The following LARGE1 variants were observed in gnomAD, a reference collection of about 807,000 sequenced individuals.
LARGE1 encodes LARGE xylosyl- and glucuronyltransferase 1, also known as xylosyl- and glucuronyltransferase LARGE1.
In LARGE1, 43 loss-of-function variants were observed where a neutral mutation model predicts 87.6. The ratio of observed to expected loss-of-function variants is 0.49; its 90% CI spans 0.38 to 0.63. LARGE1 has a LOEUF of 0.63. Ranked by LOEUF, LARGE1 falls within the 30% of genes least tolerant of loss-of-function variation. The pLI is 0.00. For missense variants in LARGE1, 802 were observed against 1,000.2 expected (o/e 0.80, Z 2.67); for synonymous variants, 434 against 394.6 (o/e 1.10, Z -1.18).
At chr22:33,518,290 C>A (rs1180968097) in intron 6 of LARGE1, among the ~76,000 whole-genome samples, 1 of 152,178 alleles carries the variant, frequency 6.6e-6, no homozygotes, top group Non-Finnish European at 1.5e-5. Context: ...AATCAACAGC[C>A]CAAGGTCACA....
intron 1 of LARGE1, among the ~76,000 whole-genome samples, chr22:33,863,215 T>C (rs558457036): frequency 6.6e-6 from 1 of 152,228 alleles, no homozygotes; most frequent in Admixed American, 6.5e-5. Context: ...AAGCCTCACT[T>C]CCCTCATTTC....
At chr22:33,904,636 G>A (rs371387339) in intron 1 of LARGE1, among the ~76,000 whole-genome samples, 2 of 152,158 alleles carry the variant, frequency 1.3e-5, no homozygotes, top group African/African-American at 2.4e-5. Flanking sequence ...GACGCTGTTC[G>A]AGGACTTAGA....
intron 2 of LARGE1, among the ~76,000 whole-genome samples, chr22:33,656,599 T>G (rs2080967408): frequency 6.6e-6 from 1 of 152,162 alleles, no homozygotes; most frequent in Non-Finnish European, 1.5e-5. Context: ...TGCGTGTAAG[T>G]GCCTTTACCT....
chr22:33,530,483 C>A (rs1307747469), intron 6 of LARGE1, among the ~76,000 whole-genome samples: 1 of 144,030 alleles, frequency 6.9e-6, no homozygotes, highest in African/African-American at 2.6e-5. Context: ...TTTTTTTAGC[C>A]ATCAGATAAG....
chr22:33,578,392 TTATC>T (rs1187710085), intron 5 of LARGE1, among the ~76,000 whole-genome samples: 1 of 152,190 alleles, frequency 6.6e-6, no homozygotes, highest in African/African-American at 2.4e-5. Flanking sequence ...AGTGAGTCAT[TTATC>T]TAAACACTCA....
intron 6 of LARGE1, chr22:33,563,112 G>A (rs1451344993): frequency 6.6e-6 from 1 of 152,398 alleles, no homozygotes; most frequent in East Asian, 1.9e-4. Context: ...CCACAGGCAT[G>A]GCCACTCACT....
intron 11 of LARGE1, among the ~76,000 whole-genome samples, chr22:33,193,783 A>G (rs1234491906): frequency 6.6e-6 from 1 of 151,762 alleles, no homozygotes; most frequent in Non-Finnish European, 1.5e-5. Flanking sequence ...TTGCCATTGC[A>G]CTCCAGCCTG....
At chr22:33,621,406 A>G (rs528242152) in intron 4 of LARGE1, among the ~76,000 whole-genome samples, 25 of 151,368 alleles carry the variant, frequency 1.7e-4, no homozygotes, top group African/African-American at 5.8e-4. Flanking sequence ...CTCTTTTACT[A>G]TCTTTTGAAA....
At chr22:33,786,786 C>A (rs2058740786) in intron 1 of LARGE1, among the ~76,000 whole-genome samples, 1 of 152,150 alleles carries the variant, frequency 6.6e-6, no homozygotes, top group Non-Finnish European at 1.5e-5. Context: ...CTTTGGGAGG[C>A]CAAGGTGGGC....
At chr22:33,256,332 G>A (rs184955664) in intron 11 of LARGE1, among the ~76,000 whole-genome samples, 6 of 152,242 alleles carry the variant, frequency 3.9e-5, no homozygotes, top group African/African-American at 1.2e-4. Flanking sequence ...TAAATAAACC[G>A]AAGCCGAAAG....
chr22:33,420,158 T>C (rs941703141), intron 7 of LARGE1, among the ~76,000 whole-genome samples: 2 of 152,304 alleles, frequency 1.3e-5, no homozygotes, highest in Non-Finnish European at 2.9e-5. Context: ...CCATGAGAAA[T>C]GCTGCTCTAT....
rs533528299 is a variant in LARGE1 at position 33,511,826 on chromosome 22, T to C, written c.787+53022A>G. ...CATTTTTCTACTTAGTACCCAGCCTTTCCTCCTTTGATTCCACAGCCAGAG... is the reference window on the plus strand; with the variant it reads ...CATTTTTCTACTTAGTACCCAGCCTCTCCTCCTTTGATTCCACAGCCAGAG... On this transcript the variant is annotated intron_variant, in intron 6 of 14. Coordinates refer to ENST00000397394, the MANE Select transcript of LARGE1 (RefSeq NM_133642.5). 2.6e-5 allele frequency among the ~76,000 whole-genome samples: 4 copies of C among 152,326 alleles called. No individual in the cohort carries two copies. The South Asian group carries it at 8.3e-4, about 32-fold the overall frequency.
chr22:33,532,577 T>C (rs2148581814), intron 6 of LARGE1, among the ~76,000 whole-genome samples: 2 of 152,346 alleles, frequency 1.3e-5, no homozygotes, highest in Middle Eastern at 3.4e-3. Flanking sequence ...AAACTAAGGC[T>C]AACAGAGGCT....
intron 2 of LARGE1, among the ~76,000 whole-genome samples, chr22:33,656,034 G>A (rs781140215): frequency 1.3e-5 from 2 of 150,418 alleles, no homozygotes; most frequent in Non-Finnish European, 2.9e-5. Flanking sequence ...TATGTAAAAT[G>A]AGGGACATGG....
At chr22:33,897,223 C>G (rs1219268867) in intron 1 of LARGE1, among the ~76,000 whole-genome samples, 1 of 152,182 alleles carries the variant, frequency 6.6e-6, no homozygotes, top group African/African-American at 2.4e-5. Context: ...TGCAAAGCAG[C>G]TGGCTACCAC....
At chr22:33,341,750 G>C (rs980528638) in intron 9 of LARGE1, among the ~76,000 whole-genome samples, 2 of 152,166 alleles carry the variant, frequency 1.3e-5, no homozygotes, top group African/African-American at 4.8e-5. Flanking sequence ...GTGTGTCCTT[G>C]AACAACTCGT....
intron 1 of LARGE1, among the ~76,000 whole-genome samples, chr22:33,822,488 C>T (rs1162992359): frequency 6.6e-6 from 1 of 152,114 alleles, no homozygotes; most frequent in Non-Finnish European, 1.5e-5. Context: ...AACCTGAGGT[C>T]AGGAGTTCGA....
At chr22:33,682,797 C>T (rs967059882) in intron 2 of LARGE1, among the ~76,000 whole-genome samples, 1 of 152,186 alleles carries the variant, frequency 6.6e-6, no homozygotes, top group Non-Finnish European at 1.5e-5. Flanking sequence ...TGTGAGCTTG[C>T]TGCTATGCTA....
chr22:33,544,190 A>C (rs543388528), intron 6 of LARGE1, among the ~76,000 whole-genome samples: 25 of 152,318 alleles, frequency 1.6e-4, no homozygotes, highest in African/African-American at 5.5e-4. Flanking sequence ...ACTTCACCCC[A>C]TGAGCCTTTT....
Sources: allele counts gnomAD v4.1 joint callset (sites outside exome capture counted in the v4.1 genomes callset), GRCh38; gene constraint gnomAD v4.1.1; transcripts MANE v1.5; gene names NCBI Gene and HGNC (gene_info 2026-07-23, HGNC 2026-07-21).